Variants in UNC79 observed in about 807,000 individuals in gnomAD.
UNC79 encodes unc-79 subunit of NALCN channel complex.
UNC79 carries 37 observed loss-of-function variants against 283.1 expected under a neutral mutation model. That is an observed-to-expected ratio of 0.13 (90% CI 0.10 to 0.17). The LOEUF is 0.17. Ranked by LOEUF, UNC79 falls within the 10% of genes least tolerant of loss-of-function variation. The pLI is 1.00. For synonymous variants in UNC79, 1,107 were observed against 1,200.2 expected (o/e 0.92, Z 1.61); for missense variants, 2,272 against 3,211.1 (o/e 0.71, Z 7.07).
chr14:93,607,632 A>G (rs1178830950), intron 26 of UNC79, among the ~76,000 whole-genome samples: 1 of 152,176 alleles, frequency 6.6e-6, no homozygotes, highest in African/African-American at 2.4e-5. Context: ...TCCAGACCAA[A>G]AGACTTTGCC....
exon 12 of UNC79, chr14:93,538,138 C>T (rs2061174562): frequency 6.2e-7 from 1 of 1,614,126 alleles, no homozygotes; most frequent in Non-Finnish European, 8.5e-7. Flanking sequence ...AGACTCACCT[C>T]TATCAGACCT....
At chr14:93,364,011 C>T (rs2402280) in intron 1 of UNC79, among the ~76,000 whole-genome samples, 79,284 of 151,924 alleles carry the variant, frequency 0.52, 21,463 homozygotes, top group Admixed American at 0.65. Flanking sequence ...TGAGCCACTG[C>T]GCCCGGCCTA....
intron 41 of UNC79, among the ~76,000 whole-genome samples, chr14:93,682,143 AG>A (rs984517562): frequency 5.9e-5 from 9 of 152,200 alleles, no homozygotes; most frequent in African/African-American, 2.2e-4. Flanking sequence ...GTGGATGAAT[AG>A]GGGCAGGAAG....
intron 17 of UNC79, among the ~76,000 whole-genome samples, chr14:93,577,440 T>C (rs1219499705): frequency 6.6e-6 from 1 of 152,218 alleles, no homozygotes; most frequent in East Asian, 1.9e-4. Flanking sequence ...AGACCATCTT[T>C]TAACCAATCA....
At chr14:93,654,090 CTG>C (rs1353677844) in intron 37 of UNC79, 65 bp downstream of exon 40, 2 of 1,446,580 alleles carry the variant, frequency 1.4e-6, no homozygotes, top group African/African-American at 2.8e-5. Context: ...CAACTGTGGG[CTG>C]TGTTTCTTTG....
At chr14:93,435,218 A>G (rs751080053) in intron 1 of UNC79, among the ~76,000 whole-genome samples, 20 of 152,242 alleles carry the variant, frequency 1.3e-4, no homozygotes, top group Non-Finnish European at 2.4e-4. Context: ...TATTATGCAA[A>G]AATTAGAATG....
intron 46 of UNC79, among the ~76,000 whole-genome samples, chr14:93,692,928 G>T (rs1264999363): frequency 1.3e-5 from 2 of 152,234 alleles, no homozygotes; most frequent in Non-Finnish European, 2.9e-5. Context: ...TCTTGTTTGT[G>T]AGGAGCAGGG....
At chr14:93,342,914 A>G (rs1403112045) in intron 1 of UNC79, among the ~76,000 whole-genome samples, 1 of 152,210 alleles carries the variant, frequency 6.6e-6, no homozygotes, top group African/African-American at 2.4e-5. Context: ...TAAGTTCCTC[A>G]TCTCCATCTG....
At chr14:93,646,058 A>G (rs1373722618) in intron 34 of UNC79, among the ~76,000 whole-genome samples, 1 of 152,130 alleles carries the variant, frequency 6.6e-6, no homozygotes, top group Non-Finnish European at 1.5e-5. Flanking sequence ...TTCCACACAT[A>G]CAGAACCGTA....
intron 24 of UNC79, among the ~76,000 whole-genome samples, chr14:93,599,717 A>T (rs1279897973): frequency 6.6e-6 from 1 of 152,222 alleles, no homozygotes; most frequent in East Asian, 1.9e-4. Flanking sequence ...CAGACACTAG[A>T]GGAACAGGTT....
At chr14:93,584,782 C>T (rs1003014264) in intron 20 of UNC79, among the ~76,000 whole-genome samples, 1 of 150,630 alleles carries the variant, frequency 6.6e-6, no homozygotes, top group African/African-American at 2.4e-5. Flanking sequence ...CTGCAACCTC[C>T]ACCTCCCAGG....
chr14:93,431,027 A>AC, exon 1 of UNC79: 1 of 701,302 alleles, frequency 1.4e-6, no homozygotes, highest in South Asian at 1.5e-5. Flanking sequence ...ACTGGACAGC[A>AC]CCATGTCCAC....
intron 1 of UNC79, among the ~76,000 whole-genome samples, chr14:93,414,168 G>A (rs111827500): frequency 1.6e-4 from 25 of 151,620 alleles, no homozygotes; most frequent in African/African-American, 4.6e-4. Flanking sequence ...TAGGTCTAAC[G>A]TTTAAGTCTT....
intron 11 of UNC79, among the ~76,000 whole-genome samples, chr14:93,532,797 CTTTTGTTCAG>C (rs1429483471): frequency 6.6e-6 from 1 of 152,084 alleles, no homozygotes; most frequent in Non-Finnish European, 1.5e-5. Flanking sequence ...ATGCACAATG[CTTTTGTTCAG>C]TAATTTGCAA....
At chr14:93,417,914 T>C (rs952687576) in intron 1 of UNC79, among the ~76,000 whole-genome samples, 7 of 151,804 alleles carry the variant, frequency 4.6e-5, no homozygotes, top group African/African-American at 1.7e-4. Context: ...ATTCTAGTTA[T>C]ACATTCGTCT....
chr14:93,680,380 C>T (rs912531412), intron 41 of UNC79, among the ~76,000 whole-genome samples: 14 of 152,198 alleles, frequency 9.2e-5, no homozygotes, highest in Non-Finnish European at 1.5e-4. Flanking sequence ...GGGTCTAGGA[C>T]TTTAAACCAT....
intron 1 of UNC79, chr14:93,348,116 A>G (rs749514228): frequency 1.5e-5 from 24 of 1,585,096 alleles, no homozygotes; most frequent in Non-Finnish European, 1.9e-5. Context: ...TTCAGAAGGA[A>G]TTAGATGGAA....
exon 15 of UNC79, chr14:93,571,919 G>A (rs1214643520): frequency 2.5e-6 from 4 of 1,614,004 alleles, no homozygotes; most frequent in Middle Eastern, 1.7e-4. Flanking sequence ...GATAAGTCCT[G>A]TAGCACAGTG....
In UNC79 at chr14:93,578,277, A is replaced by G. The variant is rs550563375; in HGVS notation, c.2433+214A>G. ...GATGTTGACATATGAGAATGGATTG[A>G]ATTTTAGAAACACCCTAGTGTCATT... On this transcript the variant is annotated intron_variant, in intron 18 of 48. Transcript: ENST00000555664. 2.6e-4 allele frequency among the ~76,000 whole-genome samples: 39 copies of G among 152,326 alleles called. No individual in the cohort carries two copies. The South Asian group carries it at 8.1e-3, about 32-fold the overall frequency.
Sources: allele counts gnomAD v4.1 joint callset (sites outside exome capture counted in the v4.1 genomes callset), GRCh38; gene constraint gnomAD v4.1.1; transcripts MANE v1.5; gene names NCBI Gene and HGNC (gene_info 2026-07-23, HGNC 2026-07-21).